The following IMMT variants were observed in gnomAD, a reference collection of about 807,000 sequenced individuals.
IMMT encodes the protein MICOS complex subunit MIC60.
In IMMT, 40 loss-of-function variants were observed where a neutral mutation model predicts 92.7. That is an observed-to-expected ratio of 0.43 (90% CI 0.34 to 0.56). The LOEUF (loss-of-function observed/expected upper bound fraction) is 0.56, where lower values mean the gene tolerates loss of function less well. IMMT is among the 20% of genes least tolerant of loss of function. The probability of loss-of-function intolerance (pLI) is 0.03; values close to 1 mark genes in which losing one functional copy is unlikely to be tolerated. For synonymous variants in IMMT, 322 were observed against 336.1 expected, an observed-to-expected ratio of 0.96 and a Z score of 0.46; for missense variants, 831 against 912.1, an observed-to-expected ratio of 0.91 and a Z score of 1.14.
chr2:86,191,475 A>G (rs1201764603), intron 1 of IMMT, among the ~76,000 whole-genome samples: 5 of 151,610 alleles, frequency 3.3e-5, no homozygotes, highest in Non-Finnish European at 7.4e-5. Flanking sequence ...TGCACCATCC[A>G]CTCTCCTGGG....
intron 12 of IMMT, among the ~76,000 whole-genome samples, chr2:86,150,949 C>T (rs1212230767): frequency 6.6e-6 from 1 of 150,518 alleles, no homozygotes; most frequent in Non-Finnish European, 1.5e-5. Flanking sequence ...GACAGTCTTG[C>T]TCCATCGCCC....
At chr2:86,157,852 C>T (rs1033884197) in intron 10 of IMMT, among the ~76,000 whole-genome samples, 1 of 149,274 alleles carries the variant, frequency 6.7e-6, no homozygotes, top group African/African-American at 2.5e-5. Flanking sequence ...GTGTCGCATG[C>T]TTGTAATCCC....
intron 10 of IMMT, among the ~76,000 whole-genome samples, chr2:86,155,007 C>T (rs539510346): frequency 2.6e-5 from 4 of 152,196 alleles, no homozygotes; most frequent in East Asian, 3.9e-4. Context: ...GGACCACAGG[C>T]GCATGCCACC....
chr2:86,153,709 G>A, intron 10 of IMMT, 135 bp from the exon 11 acceptor site: 1 of 471,962 alleles, frequency 2.1e-6, no homozygotes. Flanking sequence ...TTTAATACTG[G>A]AAAATGAAAT....
chr2:86,149,399 T>G (rs2104620712), intron 12 of IMMT, among the ~76,000 whole-genome samples: 1 of 152,246 alleles, frequency 6.6e-6, no homozygotes, highest in South Asian at 2.1e-4. Flanking sequence ...TGGGTACTGG[T>G]TAAGAATTTG....
chr2:86,179,599 C>T lies in IMMT; in HGVS notation c.143G>A (p.Gly48Glu). The change falls in exon 3 of 15, where the codon GGA becomes GAA. Residue 48 changes from glycine to glutamate, a missense_variant. By Grantham distance (98) the Gly-to-Glu change is moderately conservative. Coordinates refer to ENST00000410111, the MANE Select transcript of IMMT (RefSeq NM_006839.3). ...SSGLTTGKIAGAGLLFVGGGI... is the reference protein window; with the variant it reads ...SSGLTTGKIAEAGLLFVGGGI... ...TCCACCAACAAACAAAAGGCCAGCTCCAGCAATTTTGCCAGTAGTCAACCT... is the reference window on the plus strand; with the variant it reads ...TCCACCAACAAACAAAAGGCCAGCTTCAGCAATTTTGCCAGTAGTCAACCT... The T allele has an allele frequency of 6.3e-7, 1 of 1,595,026 alleles. No homozygotes were observed. The highest frequency in any genetic ancestry group is 8.5e-7 in the Non-Finnish European group (1 of 1,174,826).
At chr2:86,148,691 A>G (rs1219659654) in intron 12 of IMMT, among the ~76,000 whole-genome samples, 2 of 152,146 alleles carry the variant, frequency 1.3e-5, no homozygotes, top group Non-Finnish European at 2.9e-5. Flanking sequence ...AAACAAAGAA[A>G]ACTGCTTATT....
At chr2:86,171,429 C>A in intron 4 of IMMT, 84 bp from the exon 5 acceptor site, 1 of 1,259,334 alleles carries the variant, frequency 7.9e-7, no homozygotes, top group Non-Finnish European at 1.1e-6. Context: ...CCATCACCAC[C>A]CACTTCACAT....
chr2:86,144,594 T>G lies in IMMT; in HGVS notation c.1951A>C (p.Thr651Pro). Residue 651 changes from threonine (T) to proline (P), a missense_variant, in exon 15 of 15, where the codon ACC becomes CCC. By Grantham distance (38) the Thr-to-Pro change is conservative. Coordinates refer to ENST00000410111, the MANE Select transcript of IMMT (RefSeq NM_006839.3). ...LARRVAMIDE[T>P]RNSLYQYFLS... Reference sequence around the variant, plus strand: ...AAGTACTGGTACAAGCTATTTCTGGTTTCATCAATCATTGCTACCCTTCGG... The same window carrying G: ...AAGTACTGGTACAAGCTATTTCTGGGTTCATCAATCATTGCTACCCTTCGG... 1.2e-6 allele frequency: 2 copies of G among 1,613,952 alleles called. No homozygotes were observed. The highest frequency in any genetic ancestry group is 1.7e-6 in the Non-Finnish European group (2 of 1,179,890).
intron 13 of IMMT, among the ~76,000 whole-genome samples, chr2:86,147,053 G>A (rs1480023183): frequency 6.6e-6 from 1 of 152,156 alleles, no homozygotes; most frequent in Non-Finnish European, 1.5e-5. Flanking sequence ...TAGCCACTGT[G>A]CTCAGCCACA....
chr2:86,144,292 T>G lies in IMMT; in HGVS notation c.2253A>C (p.Gly751=). ...CTCACTCTGGCTGCACCTGAGTGGT[T>G]CCTATTCCTACGGCGCTGGCATATG... ...LTAYASAVGI[G]TTQVQPE The change falls in exon 15 of 15, where the codon GGA becomes GGC. Residue 751 remains glycine (G), a synonymous_variant. Coordinates refer to ENST00000410111, the MANE Select transcript of IMMT (RefSeq NM_006839.3). The G allele has an allele frequency of 6.2e-7, 1 of 1,613,974 alleles. No homozygotes were observed. Among genetic ancestry groups the G allele is most frequent in the Non-Finnish European group, 8.5e-7 (1 of 1,179,884 alleles).
At chr2:86,165,798 G>T in intron 7 of IMMT, among the ~76,000 whole-genome samples, 1 of 152,118 alleles carries the variant, frequency 6.6e-6, no homozygotes, top group East Asian at 1.9e-4. Context: ...CAGGGAACAT[G>T]AGAGCTCTCT....
intron 13 of IMMT, 49 bp from the exon 14 acceptor site, chr2:86,146,246 G>C: frequency 6.5e-7 from 1 of 1,536,696 alleles, no homozygotes; most frequent in Non-Finnish European, 8.9e-7. Flanking sequence ...CTCAATGCAT[G>C]TCATGTAACT....
intron 1 of IMMT, among the ~76,000 whole-genome samples, chr2:86,186,167 A>C (rs1202097339): frequency 6.6e-6 from 1 of 152,206 alleles, no homozygotes; most frequent in Admixed American, 6.5e-5. Flanking sequence ...CACATTCAAG[A>C]TGTCTTATCC....
In IMMT at chr2:86,144,143, T is replaced by C. The variant is rs1674808986; in HGVS notation, c.*125A>G. 1 of 1,026,730 alleles carries C rather than the reference T, an allele frequency of 9.7e-7. No individual in the cohort carries two copies. Among genetic ancestry groups the C allele is most frequent in the African/African-American group, 1.6e-5 (1 of 62,162 alleles). 63.6% of individuals were successfully genotyped at this position (1,026,730 alleles called of 1,614,324 possible). A position where few individuals can be genotyped will look rare whatever the true frequency, so the allele number is the denominator to read the frequency against. On this transcript the variant is annotated 3_prime_UTR_variant, in exon 15 of 15. Transcript: ENST00000410111. ...ATATAAATGCAACAGGTGTTAACAT[T>C]TAGAACAGTACTTGTAAACCTGCTC...
Position 86,179,558 on chromosome 2 carries a change from T to G in IMMT, c.184A>C (p.Ile62Leu). The change falls in exon 3 of 15, where the codon ATC (isoleucine) becomes CTC (leucine). Residue 62 changes from isoleucine to leucine, a missense_variant. Physicochemically the swap from Ile to Leu is conservative, Grantham distance 5. Transcript: ENST00000410111. ...LFVGGGIGGT[I>L]LYAKWDSHFR... ...TGGGAATCCCATTTGGCATATAGGA[T>G]AGTGCCACCAATACCTCCACCAACA... 6.2e-7 allele frequency: 1 copy of G among 1,612,908 alleles called. No homozygotes were observed. Among genetic ancestry groups the G allele is most frequent in the South Asian group, 1.1e-5 (1 of 90,776 alleles).
chr2:86,152,417 G>A (rs1210126441), intron 11 of IMMT, among the ~76,000 whole-genome samples: 2 of 129,368 alleles, frequency 1.5e-5, no homozygotes, highest in East Asian at 2.1e-4. Flanking sequence ...TTCCAGCCTG[G>A]GCAACAGAGC....
Position 86,195,454 on chromosome 2 carries a change from T to A in IMMT, c.-72A>T. On this transcript the variant is annotated 5_prime_UTR_variant, in exon 1 of 15. Transcript: ENST00000410111. ...GGCGCGAGTTAAGTGGAGGCGTGCT[T>A]GCGTGTGTGCGTGCCCGCGTCCGCG... The A allele has an allele frequency of 6.8e-7, 1 of 1,474,148 alleles. No individual in the cohort carries two copies. The highest frequency in any genetic ancestry group is 9.1e-7 in the Non-Finnish European group (1 of 1,095,294). 91.3% of individuals were successfully genotyped at this position (1,474,148 alleles called of 1,614,324 possible). A position where few individuals can be genotyped will look rare whatever the true frequency, so the allele number is the denominator to read the frequency against.
chr2:86,195,392 G>T lies in IMMT; in HGVS notation c.-10C>A. On this transcript the variant is annotated 5_prime_UTR_variant, in exon 1 of 15. Coordinates refer to ENST00000410111, the MANE Select transcript of IMMT (RefSeq NM_006839.3). ...GACAGGCCCGCAGCATCTCGGTCAA[G>T]CGGACGGCGCTGCTGGTGGACTCGA... 15 of 1,547,878 alleles carry T rather than the reference G, an allele frequency of 9.7e-6. No homozygotes were observed. Among genetic ancestry groups the T allele is most frequent in the Non-Finnish European group, 1.3e-5 (15 of 1,145,726 alleles).
Sources: gnomAD v4.1 joint callset for allele counts (sites outside exome capture counted in the v4.1 genomes callset) on GRCh38, gnomAD v4.1.1 for gene constraint, MANE v1.5 for transcripts, NCBI Gene and HGNC (gene_info 2026-07-23, HGNC 2026-07-21) for gene names.